The following CDK14 variants were observed in gnomAD, a reference collection of about 807,000 sequenced individuals.
CDK14 encodes the protein cyclin dependent kinase 14.
A neutral mutation model predicts 60.7 loss-of-function variants in CDK14; 34 were observed. The observed-to-expected ratio is 0.56, with a 90% CI of 0.43 to 0.75. The LOEUF (loss-of-function observed/expected upper bound fraction) is 0.75. Among genes scored for constraint, CDK14 ranks in the 30% least tolerant of loss-of-function variants. The probability of loss-of-function intolerance (pLI) is 0.00; values close to 1 mark genes in which losing one functional copy is unlikely to be tolerated. For synonymous variants in CDK14, 197 were observed against 203.7 expected (o/e 0.97, Z 0.28); for missense variants, 482 against 564.1 (o/e 0.85, Z 1.47).
chr7:90,650,540 C>T (rs556175749), intron 2 of CDK14, among the ~76,000 whole-genome samples: 113 of 152,264 alleles, frequency 7.4e-4, no homozygotes, highest in African/African-American at 2.0e-3. Flanking sequence ...CCTAGGCCTA[C>T]GTCCTGAATG....
chr7:91,128,880 A>T (rs1386937313), intron 14 of CDK14, among the ~76,000 whole-genome samples: 1 of 152,046 alleles, frequency 6.6e-6, no homozygotes, highest in Non-Finnish European at 1.5e-5. Context: ...CATTCTTCTC[A>T]ATCCATCTCC....
At chr7:91,199,180 A>T (rs1442304566) in intron 14 of CDK14, among the ~76,000 whole-genome samples, 1 of 152,198 alleles carries the variant, frequency 6.6e-6, no homozygotes, top group East Asian at 1.9e-4. Context: ...CTTTGAAAAG[A>T]ATATGCCACC....
At chr7:91,100,723 T>C (rs1171525121) in intron 12 of CDK14, among the ~76,000 whole-genome samples, 1 of 152,106 alleles carries the variant, frequency 6.6e-6, no homozygotes, top group African/African-American at 2.4e-5. Context: ...GGGTAGAAAA[T>C]AGTAATAAAT....
At chr7:91,031,611 G>T (rs939337359) in intron 10 of CDK14, among the ~76,000 whole-genome samples, 1 of 152,154 alleles carries the variant, frequency 6.6e-6, no homozygotes, top group Non-Finnish European at 1.5e-5. Flanking sequence ...TTAGCCAAAC[G>T]ATTAGATGTG....
chr7:90,774,482 T>C (rs960028616), intron 4 of CDK14, among the ~76,000 whole-genome samples: 1 of 152,200 alleles, frequency 6.6e-6, no homozygotes, highest in Non-Finnish European at 1.5e-5. Flanking sequence ...TAATCCTTTT[T>C]TGTCATAAAA....
chr7:90,830,301 A>G (rs1562790020), intron 5 of CDK14, among the ~76,000 whole-genome samples: 1 of 152,302 alleles, frequency 6.6e-6, no homozygotes, highest in East Asian at 1.9e-4. Flanking sequence ...ACCACATGGA[A>G]GCCTCCAAGG....
At chr7:91,134,959 A>G (rs1454962930) in intron 14 of CDK14, among the ~76,000 whole-genome samples, 1 of 152,092 alleles carries the variant, frequency 6.6e-6, no homozygotes. Context: ...AGCTTATTAA[A>G]TTGGCCGTTT....
chr7:90,889,316 C>G (rs1792043318), intron 6 of CDK14, among the ~76,000 whole-genome samples: 1 of 152,138 alleles, frequency 6.6e-6, no homozygotes, highest in Non-Finnish European at 1.5e-5. Context: ...ATTTGTCTAT[C>G]CATGATGTCA....
intron 8 of CDK14, among the ~76,000 whole-genome samples, chr7:90,936,574 G>A (rs10487994): frequency 0.17 from 26,106 of 152,022 alleles, 2,377 homozygotes; most frequent in African/African-American, 0.21. Context: ...AGTAGATAAT[G>A]GGTTTGTTCA....
chr7:90,830,075 C>T (rs1286858965), intron 5 of CDK14, among the ~76,000 whole-genome samples: 1 of 152,182 alleles, frequency 6.6e-6, no homozygotes, highest in East Asian at 1.9e-4. Context: ...GCCTTCTTCT[C>T]ACAGCTCCAC....
intron 10 of CDK14, among the ~76,000 whole-genome samples, chr7:90,993,915 G>A (rs900277477): frequency 2.0e-5 from 3 of 151,886 alleles, no homozygotes; most frequent in Non-Finnish European, 4.4e-5. Flanking sequence ...GACTTTTCTG[G>A]AGGCTATGGT....
At chr7:90,870,534 C>G (rs1791337432) in intron 6 of CDK14, among the ~76,000 whole-genome samples, 1 of 152,200 alleles carries the variant, frequency 6.6e-6, no homozygotes, top group Admixed American at 6.5e-5. Context: ...CCTTTCCCAA[C>G]TTAGGGAATA....
intron 9 of CDK14, among the ~76,000 whole-genome samples, chr7:90,983,004 A>T (rs1795271883): frequency 3.3e-5 from 5 of 152,216 alleles, no homozygotes; most frequent in Admixed American, 3.3e-4. Flanking sequence ...ATGAGATACT[A>T]CCTCACACCA....
intron 12 of CDK14, among the ~76,000 whole-genome samples, chr7:91,086,265 G>T (rs1223928750): frequency 2.0e-5 from 3 of 152,150 alleles, no homozygotes; most frequent in African/African-American, 4.8e-5. Context: ...TAATAAATCT[G>T]CAGGGGGAAT....
chr7:90,863,446 T>C (rs924604968), intron 6 of CDK14, among the ~76,000 whole-genome samples, 177 bp downstream of exon 6: 2 of 152,182 alleles, frequency 1.3e-5, no homozygotes, highest in African/African-American at 2.4e-5. Flanking sequence ...GAATGATATG[T>C]ATCTTAAAAG....
At chr7:91,102,730 GA>G (rs532462955) in intron 12 of CDK14, among the ~76,000 whole-genome samples, 151 of 137,584 alleles carry the variant, frequency 1.1e-3, no homozygotes, top group African/African-American at 2.7e-3. Flanking sequence ...AACCAAATCA[GA>G]AAAAAAAAAA....
At chr7:90,735,223 T>G (rs748076261) in intron 3 of CDK14, among the ~76,000 whole-genome samples, 16 of 152,142 alleles carry the variant, frequency 1.1e-4, no homozygotes, top group African/African-American at 4.8e-5. Flanking sequence ...CCAGCCAGAA[T>G]TATCCTGTAT....
chr7:91,080,001 TGA>T (rs1798438617), intron 12 of CDK14, among the ~76,000 whole-genome samples: 1 of 152,236 alleles, frequency 6.6e-6, no homozygotes, highest in East Asian at 1.9e-4. Flanking sequence ...TTGTTGTTTT[TGA>T]GATTTCATAA....
At chr7:90,977,527 T>C (rs144584091) in intron 9 of CDK14, among the ~76,000 whole-genome samples, 6 of 152,258 alleles carry the variant, frequency 3.9e-5, no homozygotes, top group African/African-American at 1.2e-4. Flanking sequence ...AAGACAAATA[T>C]GTTTCAAGCT....
Sources: gnomAD v4.1 joint callset for allele counts (sites outside exome capture counted in the v4.1 genomes callset) on GRCh38, gnomAD v4.1.1 for gene constraint, MANE v1.5 for transcripts, NCBI Gene and HGNC (gene_info 2026-07-23, HGNC 2026-07-21) for gene names.